Variants in SNX25 observed in about 807,000 individuals in gnomAD.
The protein encoded by SNX25 is sorting nexin-25.
In SNX25, 62 loss-of-function variants were observed where a neutral mutation model predicts 113.7. The ratio of observed to expected loss-of-function variants is 0.55; its 90% CI spans 0.44 to 0.67. The LOEUF is 0.67. Ranked by LOEUF, SNX25 falls within the 30% of genes least tolerant of loss-of-function variation. SNX25 has a pLI of 0.00. For missense variants in SNX25, 1,014 were observed against 1,161.0 expected, an observed-to-expected ratio of 0.87 and a Z score of 1.84; for synonymous variants, 421 against 436.2, an observed-to-expected ratio of 0.97 and a Z score of 0.43.
rs900046731 is a variant in SNX25 at position 185,334,064 on chromosome 4, C to T, written c.1914+1305C>T. Among the ~76,000 whole-genome samples, 6 of 148,764 alleles carry T rather than the reference C, an allele frequency of 4.0e-5. No individual in the cohort carries two copies. Among genetic ancestry groups the T allele is most frequent in the African/African-American group, 7.4e-5 (3 of 40,332 alleles). Reference sequence around the variant, plus strand: ...AAAAAAAAAAAAAAAAGTGGCTAGGCGCGGTGGCTCACACCTGTAATCCCA... The same window carrying T: ...AAAAAAAAAAAAAAAAGTGGCTAGGTGCGGTGGCTCACACCTGTAATCCCA... On this transcript the variant is annotated intron_variant, in intron 10 of 18. Transcript: ENST00000652585. This position sits in a 1 kb window ranked among gnomAD's most constrained non-coding sequence, Gnocchi z 4.2.
chr4:185,375,356 T>G, the SNX25 span, among the ~76,000 whole-genome samples: 1 of 143,052 alleles, frequency 7.0e-6, no homozygotes, highest in East Asian at 2.2e-4. Flanking sequence ...CTGTGAAGGC[T>G]GAGGCAGAAG....
intron 5 of SNX25, among the ~76,000 whole-genome samples, chr4:185,275,185 C>G (rs1180635251): frequency 6.6e-6 from 1 of 152,146 alleles, no homozygotes; most frequent in Non-Finnish European, 1.5e-5. Context: ...TACCACCGAT[C>G]TAGTCTTTAT....
At chr4:185,221,634 C>T (rs767426047) in intron 1 of SNX25, among the ~76,000 whole-genome samples, 34 of 152,244 alleles carry the variant, frequency 2.2e-4, no homozygotes, top group Admixed American at 7.2e-4. Context: ...AATCAAATTC[C>T]TCTTCAGCAG....
In SNX25 at chr4:185,210,417, C is replaced by T. The variant is rs1737565223; in HGVS notation, c.429+162C>T. The stretch of plus-strand genomic sequence containing the variant: ...GGGCCCGGCCGTGGACGCGAGCGTT[C>T]CCCGGCGCCCGCGCGCGGCGGGCTC... On this transcript the variant is annotated intron_variant, in intron 1 of 18. Transcript: ENST00000652585. The surrounding 1 kb of genome is among the most constrained non-coding windows in gnomAD (Gnocchi z 4.4). Among the ~76,000 whole-genome samples, 2 of 137,438 alleles carry T rather than the reference C, an allele frequency of 1.5e-5. No individual in the cohort carries two copies. The highest frequency in any genetic ancestry group is 7.0e-5 in the Admixed American group (1 of 14,310). 90.2% of individuals were successfully genotyped at this position (137,438 alleles called of 152,430 possible).
At chr4:185,217,180 C>T (rs974056603) in intron 1 of SNX25, among the ~76,000 whole-genome samples, 5 of 151,716 alleles carry the variant, frequency 3.3e-5, no homozygotes, top group Non-Finnish European at 7.4e-5. Context: ...CCTGTAATCC[C>T]AGCACTTTGG....
chr4:185,215,513 G>C (rs560921510), intron 1 of SNX25, among the ~76,000 whole-genome samples: 1 of 152,268 alleles, frequency 6.6e-6, no homozygotes, highest in South Asian at 2.1e-4. Flanking sequence ...AACTCATTTA[G>C]TTACTCAAGG....
At chr4:185,332,815 GT>G in intron 10 of SNX25, 56 bp downstream of exon 10, 1 of 1,549,742 alleles carries the variant, frequency 6.5e-7, no homozygotes, top group Non-Finnish European at 8.8e-7. Flanking sequence ...TAATTTGGTA[GT>G]TTTCAGTTGA....
rs1737517168 is a variant in SNX25, at chr4:185,210,225, C to G, written c.399C>G (p.Ala133=). The change falls in exon 1 of 19, where the codon GCC becomes GCG. Residue 133 remains alanine (A), a synonymous_variant. Coordinates refer to ENST00000652585, the MANE Select transcript of SNX25 (RefSeq NM_001378034.2). This position sits in a 1 kb window ranked among gnomAD's most constrained non-coding sequence, Gnocchi z 4.4. ...TCGCCGCCGCCTGGAGCCGGCTGGC[C>G]GCGACCTCAGCCGCCCGCCGCCCGC... The part of the protein sequence containing the change: ...PDFAAAWSRL[A]ATSAARRPPG... The G allele has an allele frequency of 1.0e-6, 1 of 984,874 alleles. No individual in the cohort carries two copies. Among genetic ancestry groups the G allele is most frequent in the Non-Finnish European group, 1.2e-6 (1 of 830,032 alleles). 61.0% of individuals were successfully genotyped at this position (984,874 alleles called of 1,614,324 possible). A position where few individuals can be genotyped will look rare whatever the true frequency, so the allele number is the denominator to read the frequency against.
intron 6 of SNX25, among the ~76,000 whole-genome samples, chr4:185,304,045 G>A (rs1219942252): frequency 3.9e-5 from 6 of 152,170 alleles, no homozygotes. Context: ...TGTGTTAAGA[G>A]GTCAAGTACC....
intron 16 of SNX25, among the ~76,000 whole-genome samples, chr4:185,358,609 ATCAACTGCTTGTCTGAAG>A (rs1382764961): frequency 6.6e-6 from 1 of 152,202 alleles, no homozygotes; most frequent in Admixed American, 6.5e-5. Flanking sequence ...AACCAAAGAG[ATCAACTGCTTGTCTGAAG>A]TCACCAGACC....
intron 11 of SNX25, among the ~76,000 whole-genome samples, chr4:185,341,264 G>A (rs182430876): frequency 3.9e-5 from 6 of 152,322 alleles, no homozygotes; most frequent in African/African-American, 1.4e-4. Context: ...GGAGGTAAAG[G>A]AAATTATATC....
chr4:185,298,617 T>C (rs1351274697), intron 6 of SNX25, among the ~76,000 whole-genome samples: 1 of 152,164 alleles, frequency 6.6e-6, no homozygotes, highest in Non-Finnish European at 1.5e-5. Flanking sequence ...TTCAGCTTCA[T>C]CTCCTGCCCT....
chr4:185,334,759 T>C lies in SNX25; in HGVS notation c.1914+2000T>C, dbSNP rs955555459. Reference sequence around the variant, plus strand: ...TCTGATAACCATGGAATAAACATTCTTAGCTACAATTATATGAAAGAATTC... The same window carrying C: ...TCTGATAACCATGGAATAAACATTCCTAGCTACAATTATATGAAAGAATTC... On this transcript the variant is annotated intron_variant, in intron 10 of 18. Transcript: ENST00000652585. This position sits in a 1 kb window ranked among gnomAD's most constrained non-coding sequence, Gnocchi z 4.2. Among the ~76,000 whole-genome samples the C allele has an allele frequency of 4.6e-5, 7 of 152,232 alleles. No individual in the cohort carries two copies. The highest frequency in any genetic ancestry group is 7.2e-5 in the African/African-American group (3 of 41,462).
chr4:185,373,928 C>T (rs551187634), downstream of SNX25, among the ~76,000 whole-genome samples: 3 of 152,240 alleles, frequency 2.0e-5, no homozygotes, highest in South Asian at 4.1e-4. Flanking sequence ...AAAATACTCT[C>T]ACATTCATGG....
chr4:185,361,894 C>A, intron 16 of SNX25, 30 bp from the exon 17 acceptor site: 1 of 1,608,284 alleles, frequency 6.2e-7, no homozygotes, highest in Non-Finnish European at 8.5e-7. Flanking sequence ...TTTTAAAAAC[C>A]TCATCCAAGA....
chr4:185,369,227 CTTTTTTTTTTTTT>C (rs35543353), intron 11 of SNX25, among the ~76,000 whole-genome samples: 1 of 100,930 alleles, frequency 9.9e-6, no homozygotes. Context: ...ATACAGAGAG[CTTTTTTTTTTTTT>C]TTTTTTTTGA....
chr4:185,297,667 T>C (rs780222979), intron 6 of SNX25, among the ~76,000 whole-genome samples: 1 of 152,174 alleles, frequency 6.6e-6, no homozygotes, highest in Non-Finnish European at 1.5e-5. Context: ...CTGGCAGATT[T>C]GGTGTCTGAT....
intron 1 of SNX25, among the ~76,000 whole-genome samples, chr4:185,217,991 C>G (rs1035317118): frequency 1.5e-4 from 23 of 152,154 alleles, no homozygotes; most frequent in African/African-American, 5.6e-4. Context: ...ATGGGGATGA[C>G]AGGTAGGTAG....
intron 1 of SNX25, among the ~76,000 whole-genome samples, chr4:185,239,748 T>C (rs1219990051): frequency 1.3e-5 from 2 of 150,250 alleles, no homozygotes; most frequent in Non-Finnish European, 3.0e-5. Context: ...CTTATTTAAA[T>C]AGAAAATAAG....
Sources: allele counts gnomAD v4.1 joint callset (sites outside exome capture counted in the v4.1 genomes callset), GRCh38; gene constraint gnomAD v4.1.1; non-coding constraint Gnocchi (gnomAD v3.1); transcripts MANE v1.5; gene names NCBI Gene and HGNC (gene_info 2026-07-23, HGNC 2026-07-21).